Variants in MYBL1 observed in about 807,000 individuals in gnomAD.
MYBL1 encodes myb-related protein A.
A neutral mutation model predicts 96.3 loss-of-function variants in MYBL1; 17 were observed. The ratio of observed to expected loss-of-function variants is 0.18; its 90% CI spans 0.12 to 0.26. MYBL1 has a LOEUF of 0.26. Ranked by LOEUF, MYBL1 falls within the 10% of genes least tolerant of loss-of-function variation. The pLI is 1.00. For missense variants in MYBL1, 701 were observed against 882.9 expected (o/e 0.79, Z 2.61); for synonymous variants, 282 against 292.7 (o/e 0.96, Z 0.37).
At chr8:66,601,248 G>A (rs949583401) in intron 3 of MYBL1, among the ~76,000 whole-genome samples, 3 of 141,770 alleles carry the variant, frequency 2.1e-5, no homozygotes, top group East Asian at 4.2e-4. Context: ...GTTATATAAC[G>A]AACAGCAGGT....
chr8:66,590,601 CAAA>C (rs983941485), intron 8 of MYBL1, among the ~76,000 whole-genome samples: 1 of 65,246 alleles, frequency 1.5e-5, no homozygotes, highest in Non-Finnish European at 3.3e-5. Context: ...CTTAGCTAAT[CAAA>C]AAAAAAAAAA....
At chr8:66,603,699 T>A (rs1810197275) in intron 1 of MYBL1, among the ~76,000 whole-genome samples, 1 of 151,910 alleles carries the variant, frequency 6.6e-6, no homozygotes, top group Non-Finnish European at 1.5e-5. Context: ...GCTATGTTGC[T>A]CCACCCGCAA....
At position 66,580,295 on chromosome 8, in the gene MYBL1, G is replaced by A; in HGVS notation, c.939C>T (p.Ser313=). The part of the protein sequence containing the change: ...MDDNMSNTLN[S]LDEHTSEFYS... ...AAAACTCACTAGTGTGCTCGTCAAGGCTATTTAGAGTATTAGACATGTTAT... is the reference window on the plus strand; with the variant it reads ...AAAACTCACTAGTGTGCTCGTCAAGACTATTTAGAGTATTAGACATGTTAT... Residue 313 remains serine (S), a synonymous_variant, in exon 9 of 16, where the codon AGC becomes AGT. Coordinates refer to ENST00000522677, the MANE Select transcript of MYBL1 (RefSeq NM_001080416.4). 1 of 1,613,792 alleles carries A rather than the reference G, an allele frequency of 6.2e-7. No homozygotes were observed. The highest frequency in any genetic ancestry group is 1.1e-5 in the South Asian group (1 of 91,048).
At chr8:66,595,955 T>A (rs1022186651) in intron 5 of MYBL1, among the ~76,000 whole-genome samples, 198 bp from the exon 6 acceptor site, 1 of 152,144 alleles carries the variant, frequency 6.6e-6, no homozygotes, top group South Asian at 2.1e-4. Context: ...TATGTGCATA[T>A]GTCAGGCATA....
At position 66,566,139 on chromosome 8, in the gene MYBL1, G is replaced by A; in HGVS notation, c.2055C>T (p.Asn685=). 1 of 1,543,288 alleles carries A rather than the reference G, an allele frequency of 6.5e-7. No homozygotes were observed. The highest frequency in any genetic ancestry group is 1.2e-5 in the South Asian group (1 of 83,646). The part of the protein sequence containing the change: ...IPEKQDINST[N]KTYTLTKKKP... ...TCTTTTTAGTAAGTGTATATGTTTT[G>A]TTGGTTGAATTTATATCTTGTTTTT... The change falls in exon 15 of 16, where the codon AAC becomes AAT. Residue 685 remains asparagine (N), a synonymous_variant. Coordinates refer to ENST00000522677, the MANE Select transcript of MYBL1 (RefSeq NM_001080416.4).
intron 3 of MYBL1, among the ~76,000 whole-genome samples, chr8:66,601,263 A>G (rs1047865588): frequency 1.3e-5 from 2 of 151,198 alleles, no homozygotes; most frequent in Non-Finnish European, 3.0e-5. Context: ...GCAGGTGAAT[A>G]GTAGTATGGT....
intron 8 of MYBL1, among the ~76,000 whole-genome samples, chr8:66,589,630 G>T (rs1300741273): frequency 6.6e-6 from 1 of 152,094 alleles, no homozygotes; most frequent in Admixed American, 6.5e-5. Context: ...ACAGGCATGT[G>T]CCACCATGCC....
chr8:66,566,625 G>C, intron 14 of MYBL1, 59 bp downstream of exon 14: 5 of 1,117,730 alleles, frequency 4.5e-6, no homozygotes, highest in Non-Finnish European at 6.4e-6. Context: ...TAAGAAATAA[G>C]AACCTCTAGG....
rs1808937616 is a variant in MYBL1, at chr8:66,576,211, A to G, written c.1266T>C (p.Cys422=). Residue 422 remains cysteine, a synonymous_variant, in exon 10 of 16, where the codon TGT becomes TGC. Transcript: ENST00000522677. ...SLVLEGKKNT[C]NGGNSEAVPL... ...GAACAGCTTCACTGTTGCCACCATT[A>G]CAAGTGTTTTTTTTCCCTTCAAGTA... is the stretch of plus-strand genomic sequence containing the variant. 6.2e-7 allele frequency: 1 copy of G among 1,614,010 alleles called. No individual in the cohort carries two copies.
intron 1 of MYBL1, among the ~76,000 whole-genome samples, chr8:66,604,018 G>A (rs980884589): frequency 1.3e-5 from 2 of 150,910 alleles, no homozygotes; most frequent in Admixed American, 6.6e-5. Flanking sequence ...AGAATAATCA[G>A]AGAATTACCA....
Position 66,564,668 on chromosome 8 carries a change from G to A in MYBL1, c.*29C>T, listed in dbSNP as rs1444599973. On this transcript the variant is annotated 3_prime_UTR_variant, in exon 16 of 16. Coordinates refer to ENST00000522677, the MANE Select transcript of MYBL1 (RefSeq NM_001080416.4). ...ATTTAGTAGAGACTGCAGTAAGGGA[G>A]TGGGGCATTTCATCAATTTTAATAA... The A allele has an allele frequency of 1.3e-6, 2 of 1,540,598 alleles. No homozygotes were observed. Among genetic ancestry groups the A allele is most frequent in the Non-Finnish European group, 8.8e-7 (1 of 1,135,790 alleles).
intron 12 of MYBL1, among the ~76,000 whole-genome samples, chr8:66,571,204 CA>C (rs1808715231): frequency 6.6e-6 from 1 of 152,122 alleles, no homozygotes; most frequent in African/African-American, 2.4e-5. Flanking sequence ...ATCACTGTTC[CA>C]AGGTATTTCA....
At position 66,595,635 on chromosome 8, in the gene MYBL1, C is replaced by T. The variant is rs770365630; in HGVS notation, c.635G>A (p.Cys212Tyr). The T allele has an allele frequency of 6.3e-7, 1 of 1,593,750 alleles. No homozygotes were observed. Among genetic ancestry groups the T allele is most frequent in the Non-Finnish European group, 8.6e-7 (1 of 1,169,116 alleles). Residue 212 changes from cysteine (C) to tyrosine (Y), a missense_variant, in exon 6 of 16, where the codon TGT (cysteine) becomes TAT (tyrosine). Transcript: ENST00000522677. ...GGTTTGCATATGATCCATAGCTGCA[C>T]AAGGTTTGTGTTGAAGTTTAGATGA... The part of the protein sequence containing the change: ...RSSSKLQHKP[C>Y]AAMDHMQTQN...
intron 8 of MYBL1, among the ~76,000 whole-genome samples, chr8:66,584,747 C>T (rs570385701): frequency 6.6e-6 from 1 of 151,874 alleles, no homozygotes; most frequent in Non-Finnish European, 1.5e-5. Context: ...ACACCAACAA[C>T]AAACTAGCAC....
Position 66,566,302 on chromosome 8 carries a change from GACT to G in MYBL1, c.1951-62_1951-60del, listed in dbSNP as rs1808501053. 3 of 1,043,722 alleles carry G rather than the reference GACT, an allele frequency of 2.9e-6. No individual in the cohort carries two copies. In the East Asian group the frequency reaches 8.4e-5, roughly 29 times the overall value. The allele number at this position is 1,043,722 out of a possible 1,614,324, so 64.7% of individuals were successfully genotyped here. On this transcript the variant is annotated intron_variant, in intron 14 of 15. Transcript: ENST00000522677. Reference sequence around the variant, plus strand: ...ATTCAAAAATGGAGACAAATGGAGGGACTACTGAGTAAGTGGTAATGGAAGCCC... The same window carrying G: ...ATTCAAAAATGGAGACAAATGGAGGGACTGAGTAAGTGGTAATGGAAGCCC...
intron 6 of MYBL1, among the ~76,000 whole-genome samples, chr8:66,594,675 T>G (rs1809782725): frequency 6.6e-6 from 1 of 152,152 alleles, no homozygotes. Context: ...ATAAAAACCT[T>G]AAGGTATTGA....
chr8:66,576,725 C>A (rs1304335101), intron 9 of MYBL1, among the ~76,000 whole-genome samples: 3 of 152,146 alleles, frequency 2.0e-5, no homozygotes, highest in Admixed American at 2.0e-4. Flanking sequence ...TCAAATTCTG[C>A]ATAATCATTT....
Position 66,575,873 on chromosome 8 carries a change from T to C in MYBL1, c.1470+134A>G, listed in dbSNP as rs562432580. The C allele has an allele frequency of 4.1e-6, 3 of 732,788 alleles. No individual in the cohort carries two copies. The African/African-American group carries it at 5.4e-5, about 13-fold the overall frequency. 45.4% of individuals were successfully genotyped at this position (732,788 alleles called of 1,614,324 possible). On this transcript the variant is annotated intron_variant, in intron 10 of 15. Coordinates refer to ENST00000522677, the MANE Select transcript of MYBL1 (RefSeq NM_001080416.4). The stretch of plus-strand genomic sequence containing the variant: ...TACTTTCTATTCTCTCAGAGTTCAG[T>C]ATTCTCAAGTATACATTTAAACACA...
At chr8:66,565,930 A>C (rs1030143316) in intron 15 of MYBL1, 134 bp downstream of exon 15, 2 of 644,104 alleles carry the variant, frequency 3.1e-6, no homozygotes, top group Non-Finnish European at 5.1e-6. Flanking sequence ...GTGATAAAAT[A>C]ATGGTAAATG....
Sources: allele counts gnomAD v4.1 joint callset (sites outside exome capture counted in the v4.1 genomes callset), GRCh38; gene constraint gnomAD v4.1.1; transcripts MANE v1.5; gene names NCBI Gene and HGNC (gene_info 2026-07-23, HGNC 2026-07-21).